Variants in GALNT18 observed in about 807,000 individuals in gnomAD.
GALNT18 encodes polypeptide N-acetylgalactosaminyltransferase 18.
Under a neutral mutation model 69.5 loss-of-function variants are expected in GALNT18, and 44 were observed. The ratio of observed to expected loss-of-function variants is 0.63; its 90% CI spans 0.50 to 0.81. GALNT18 has a LOEUF of 0.81. Among genes scored for constraint, GALNT18 ranks in the 40% least tolerant of loss-of-function variants. The pLI, the probability that GALNT18 is intolerant of heterozygous loss-of-function variation, is 0.00. For synonymous variants in GALNT18, 364 were observed against 318.2 expected, an observed-to-expected ratio of 1.14 and a Z score of -1.53; for missense variants, 715 against 810.0, an observed-to-expected ratio of 0.88 and a Z score of 1.42.
intron 9 of GALNT18, among the ~76,000 whole-genome samples, chr11:11,310,669 G>T (rs1849657544): frequency 6.6e-6 from 1 of 152,102 alleles, no homozygotes; most frequent in Admixed American, 6.5e-5. Flanking sequence ...TGATTTAGAG[G>T]GCCCAGCTCT....
At chr11:11,440,362 G>A (rs867619283) in intron 2 of GALNT18, among the ~76,000 whole-genome samples, 5 of 152,332 alleles carry the variant, frequency 3.3e-5, no homozygotes, top group East Asian at 1.9e-4. Context: ...GAAAAGCCAC[G>A]TTAGGGACAC....
chr11:11,597,881 C>T (rs530612803), intron 1 of GALNT18, among the ~76,000 whole-genome samples: 4 of 152,000 alleles, frequency 2.6e-5, no homozygotes, highest in East Asian at 1.9e-4. Context: ...AGGATGGTCT[C>T]GATCTCCTGA....
chr11:11,435,909 CAGGCCAA>C lies in GALNT18; in HGVS notation c.429-3129_429-3123del, dbSNP rs1855388925. On this transcript the variant is annotated intron_variant, in intron 2 of 10. Transcript: ENST00000227756. The surrounding 1 kb of genome is among the most constrained non-coding windows in gnomAD (Gnocchi z 4.4). ...CAGTTTCTTTACACTGTAATCCCTTCAGGCCAAACGCCCTGACCTCCTTAAATCCTTC... is the reference window on the plus strand; with the variant it reads ...CAGTTTCTTTACACTGTAATCCCTTCACGCCCTGACCTCCTTAAATCCTTC... 6.6e-6 allele frequency among the ~76,000 whole-genome samples: 1 copy of C among 152,198 alleles called. No individual in the cohort carries two copies. The highest frequency in any genetic ancestry group is 1.5e-5 in the Non-Finnish European group (1 of 68,034).
chr11:11,524,372 CAT>C (rs1440898106), intron 1 of GALNT18, among the ~76,000 whole-genome samples: 1 of 152,190 alleles, frequency 6.6e-6, no homozygotes, highest in Non-Finnish European at 1.5e-5. Flanking sequence ...AAATATTACA[CAT>C]AGTTATTTAT....
intron 9 of GALNT18, among the ~76,000 whole-genome samples, chr11:11,294,013 G>C (rs1849353305): frequency 6.6e-6 from 1 of 152,132 alleles, no homozygotes; most frequent in African/African-American, 2.4e-5. Flanking sequence ...TGGTTTTCTG[G>C]GTGTGCTGGG....
At chr11:11,311,279 C>T (rs1849670008) in intron 9 of GALNT18, among the ~76,000 whole-genome samples, 7 of 152,182 alleles carry the variant, frequency 4.6e-5, no homozygotes, top group Admixed American at 4.6e-4. Context: ...CATAGGAAAA[C>T]CTCCCCACTT....
At chr11:11,414,587 C>T (rs1854809743) in intron 3 of GALNT18, among the ~76,000 whole-genome samples, 1 of 152,216 alleles carries the variant, frequency 6.6e-6, no homozygotes, top group Admixed American at 6.5e-5. Flanking sequence ...GCTCCCCACC[C>T]CACATTAGAT....
At chr11:11,489,823 G>A (rs771754217) in intron 1 of GALNT18, among the ~76,000 whole-genome samples, 5 of 152,128 alleles carry the variant, frequency 3.3e-5, no homozygotes, top group South Asian at 4.1e-4. Context: ...TTACAAATAG[G>A]AAACTGAGAC....
intron 1 of GALNT18, among the ~76,000 whole-genome samples, chr11:11,524,540 C>T (rs933372248): frequency 2.0e-5 from 3 of 152,174 alleles, no homozygotes; most frequent in Admixed American, 6.5e-5. Context: ...CTCTCACTTT[C>T]GTTTTCTCTT....
intron 1 of GALNT18, among the ~76,000 whole-genome samples, chr11:11,457,289 T>C (rs184915481): frequency 4.9e-4 from 75 of 152,322 alleles, no homozygotes; most frequent in African/African-American, 1.8e-3. Flanking sequence ...TCTGACTGCC[T>C]CACCTTCTAG....
Position 11,439,441 on chromosome 11 carries a change from A to C in GALNT18, c.429-6654T>G, listed in dbSNP as rs990261288. 1.3e-5 allele frequency among the ~76,000 whole-genome samples: 2 copies of C among 152,212 alleles called. No homozygotes were observed. The highest frequency in any genetic ancestry group is 2.9e-5 in the Non-Finnish European group (2 of 68,038). On this transcript the variant is annotated intron_variant, in intron 2 of 10. Transcript: ENST00000227756. The surrounding 1 kb of genome is among the most constrained non-coding windows in gnomAD (Gnocchi z 4.4). ...GGTTCCTTGCTCCCTGAGAACACGTACATAACCCAGTAGAGAAAGACCAAT... is the reference window on the plus strand; with the variant it reads ...GGTTCCTTGCTCCCTGAGAACACGTCCATAACCCAGTAGAGAAAGACCAAT...
In GALNT18 at chr11:11,552,153, G is replaced by A. The variant is rs1005717401; in HGVS notation, c.235+69206C>T. On this transcript the variant is annotated intron_variant, in intron 1 of 10. Transcript: ENST00000227756. ...TGTATTCACTGAAAAGAAGGAAAAG[G>A]AGAAAGCAGCCATAGGCCCTCTGGA... Among the ~76,000 whole-genome samples, 4 of 147,814 alleles carry A rather than the reference G, an allele frequency of 2.7e-5. No individual in the cohort carries two copies. The Admixed American group carries it at 2.7e-4, about 10-fold the overall frequency.
chr11:11,362,871 GA>G (rs1185688449), intron 6 of GALNT18, among the ~76,000 whole-genome samples: 3 of 152,058 alleles, frequency 2.0e-5, no homozygotes, highest in Admixed American at 6.6e-5. Context: ...ATAAAAATAT[GA>G]AAAAAGTATG....
At chr11:11,609,983 T>TA (rs1159959457) in intron 1 of GALNT18, among the ~76,000 whole-genome samples, 1 of 152,132 alleles carries the variant, frequency 6.6e-6, no homozygotes, top group Non-Finnish European at 1.5e-5. Flanking sequence ...TTGTTGATGC[T>TA]AAGCCTGCTC....
chr11:11,507,525 C>T (rs1325315025), intron 1 of GALNT18, among the ~76,000 whole-genome samples: 1 of 152,086 alleles, frequency 6.6e-6, no homozygotes, highest in African/African-American at 2.4e-5. Flanking sequence ...TCTTTCTTTT[C>T]TTCTTCCCCT....
chr11:11,343,497 T>C (rs1302837648), intron 6 of GALNT18, among the ~76,000 whole-genome samples: 1 of 152,184 alleles, frequency 6.6e-6, no homozygotes, highest in Non-Finnish European at 1.5e-5. Flanking sequence ...GATCAAGCTT[T>C]GAAAGGAGTT....
At chr11:11,394,513 C>T (rs903672630) in intron 3 of GALNT18, among the ~76,000 whole-genome samples, 4 of 152,208 alleles carry the variant, frequency 2.6e-5, no homozygotes, top group African/African-American at 9.6e-5. Context: ...ACTGAAATGT[C>T]AGGAAGAACT....
At chr11:11,397,281 C>T (rs1854356106) in intron 3 of GALNT18, among the ~76,000 whole-genome samples, 2 of 152,042 alleles carry the variant, frequency 1.3e-5, no homozygotes, top group Non-Finnish European at 2.9e-5. Context: ...AAGGGGAGGC[C>T]AGGTATTCAC....
rs552703558 is a variant in GALNT18, at chr11:11,525,465, C to T, written c.236-76529G>A. On this transcript the variant is annotated intron_variant, in intron 1 of 10. Transcript: ENST00000227756. ...TCACGAAACATTTCAGTGGCGAAAT[C>T]GGTAAGACTTGATTGGATGAGGTTG... is the stretch of plus-strand genomic sequence containing the variant. 5.9e-5 allele frequency among the ~76,000 whole-genome samples: 9 copies of T among 151,990 alleles called. 2 individuals carry two copies. The highest frequency in any genetic ancestry group is 2.2e-4 in the African/African-American group (9 of 41,440).
Sources: gnomAD v4.1 joint callset for allele counts (sites outside exome capture counted in the v4.1 genomes callset) on GRCh38, gnomAD v4.1.1 for gene constraint, Gnocchi (gnomAD v3.1) non-coding constraint, MANE v1.5 for transcripts, NCBI Gene and HGNC (gene_info 2026-07-23, HGNC 2026-07-21) for gene names.